The following FGGY variants were observed in gnomAD, a reference collection of about 807,000 sequenced individuals.
FGGY encodes FGGY carbohydrate kinase domain-containing protein.
FGGY carries 72 observed loss-of-function variants against 71.3 expected under a neutral mutation model. The ratio of observed to expected loss-of-function variants is 1.01; its 90% confidence interval spans 0.84 to 1.23. The LOEUF (loss-of-function observed/expected upper bound fraction) is 1.23, where lower values mean the gene tolerates loss of function less well. Among genes scored for constraint, FGGY ranks in the 50% most tolerant of loss-of-function variants. The pLI is 0.00. For missense variants in FGGY, 668 were observed against 682.3 expected, an observed-to-expected ratio of 0.98 and a Z score of 0.23; for synonymous variants, 251 against 250.3, an observed-to-expected ratio of 1.00 and a Z score of -0.02.
chr1:59,631,637 G>T (rs1443967205), intron 10 of FGGY, among the ~76,000 whole-genome samples: 2 of 152,138 alleles, frequency 1.3e-5, no homozygotes, highest in South Asian at 2.1e-4. Context: ...AGCAATGCAG[G>T]TCACCCCTAT....
intron 1 of FGGY, among the ~76,000 whole-genome samples, chr1:59,298,539 T>G (rs532108165): frequency 3.5e-4 from 54 of 152,340 alleles, no homozygotes; most frequent in Admixed American, 5.9e-4. Context: ...TTAGTTTTTG[T>G]TGTGGGCCTT....
At chr1:59,610,807 C>T (rs140953597) in intron 9 of FGGY, among the ~76,000 whole-genome samples, 38 of 152,368 alleles carry the variant, frequency 2.5e-4, no homozygotes, top group African/African-American at 9.1e-4. Context: ...TTGGGTCACT[C>T]CCACACGGCT....
In FGGY at chr1:59,321,518, T is replaced by C; in HGVS notation, c.-14-18T>C. On this transcript the variant is annotated intron_variant, in intron 1 of 15. Transcript: ENST00000303721. ...ATCCACTTGGTCTTCATATGGTTTT[T>C]ACACTTGCTTACTATAGGTGGAGGA... 1 of 1,609,042 alleles carries C rather than the reference T, an allele frequency of 6.2e-7. No individual in the cohort carries two copies. The highest frequency in any genetic ancestry group is 8.5e-7 in the Non-Finnish European group (1 of 1,176,818).
At position 59,397,314 on chromosome 1, in the gene FGGY, G is replaced by A. The variant is rs182185315; in HGVS notation, c.554+18477G>A. Among the ~76,000 whole-genome samples, 201 of 152,248 alleles carry A rather than the reference G, an allele frequency of 1.3e-3. 1 individual carries two copies. Among genetic ancestry groups the A allele is most frequent in the African/African-American group, 4.4e-3 (181 of 41,552 alleles). ...GGGCTGCTGGGACAAGGGACGTGGC[G>A]TTGTGTTTCTGATTTACGAGGTGGA... On this transcript the variant is annotated intron_variant, in intron 5 of 15. Coordinates refer to ENST00000303721, the MANE Select transcript of FGGY (RefSeq NM_018291.5).
intron 12 of FGGY, chr1:59,660,524 G>A (rs1418429083): frequency 1.4e-5 from 5 of 364,234 alleles, no homozygotes; most frequent in East Asian, 4.3e-5. Context: ...AATCTGTGAA[G>A]ATTATACTTG....
At chr1:59,558,792 A>C (rs1162609733) in intron 8 of FGGY, among the ~76,000 whole-genome samples, 1 of 150,360 alleles carries the variant, frequency 6.7e-6, no homozygotes, top group Non-Finnish European at 1.5e-5. Context: ...TCCTTATCTC[A>C]ACCTCATAAG....
chr1:59,695,737 G>T (rs1037083132), intron 14 of FGGY, among the ~76,000 whole-genome samples: 2 of 152,174 alleles, frequency 1.3e-5, no homozygotes, highest in Non-Finnish European at 2.9e-5. Flanking sequence ...CCAGTGCTGG[G>T]CCTGGACCGT....
chr1:59,717,378 A>C (rs1310121510), intron 14 of FGGY, among the ~76,000 whole-genome samples: 1 of 152,084 alleles, frequency 6.6e-6, no homozygotes, highest in Non-Finnish European at 1.5e-5. Context: ...AAGACCTTAC[A>C]CTACCTGGAC....
intron 5 of FGGY, among the ~76,000 whole-genome samples, chr1:59,454,846 A>G (rs2091527314): frequency 6.6e-6 from 1 of 152,206 alleles, no homozygotes; most frequent in African/African-American, 2.4e-5. Flanking sequence ...CCTGGATCCT[A>G]GTATAGTGCC....
chr1:59,447,046 C>T (rs12145590), intron 5 of FGGY, among the ~76,000 whole-genome samples: 41,375 of 151,992 alleles, frequency 0.27, 6,987 homozygotes, highest in Middle Eastern at 0.47. Context: ...GTCTCTGGCT[C>T]GGATTTTGGT....
intron 7 of FGGY, among the ~76,000 whole-genome samples, chr1:59,538,832 T>C (rs1398787126): frequency 4.4e-5 from 5 of 113,188 alleles, no homozygotes; most frequent in East Asian, 6.2e-4. Context: ...ACATCACACT[T>C]TGGGGACTGT....
intron 9 of FGGY, among the ~76,000 whole-genome samples, chr1:59,610,530 C>A (rs912923899): frequency 6.6e-6 from 1 of 152,176 alleles, no homozygotes; most frequent in Non-Finnish European, 1.5e-5. Flanking sequence ...AATAGAGCTA[C>A]AGAGTTCCAA....
At chr1:59,340,832 G>A (rs1436865987) in intron 3 of FGGY, among the ~76,000 whole-genome samples, 2 of 152,184 alleles carry the variant, frequency 1.3e-5, no homozygotes, top group African/African-American at 4.8e-5. Flanking sequence ...CTGCACCTGT[G>A]TGAAGATAAA....
chr1:59,438,451 T>A (rs951217810), intron 5 of FGGY, among the ~76,000 whole-genome samples: 7 of 152,248 alleles, frequency 4.6e-5, no homozygotes, highest in Non-Finnish European at 8.8e-5. Flanking sequence ...ATAGATTTTT[T>A]AAAATGGCTA....
chr1:59,477,972 T>C (rs2093333912), intron 6 of FGGY, among the ~76,000 whole-genome samples: 1 of 152,112 alleles, frequency 6.6e-6, no homozygotes, highest in Non-Finnish European at 1.5e-5. Context: ...TTTGGAGTAA[T>C]GGAAATAACA....
chr1:59,633,900 G>A (rs1047842537), intron 10 of FGGY, among the ~76,000 whole-genome samples: 2 of 152,224 alleles, frequency 1.3e-5, no homozygotes, highest in African/African-American at 4.8e-5. Context: ...TAATGAACAA[G>A]TGAAGAAGGA....
At chr1:59,379,104 A>G (rs1308763615) in intron 5 of FGGY, among the ~76,000 whole-genome samples, 1 of 151,844 alleles carries the variant, frequency 6.6e-6, no homozygotes, top group Admixed American at 6.6e-5. Context: ...AAAAATCCAG[A>G]GTGAAATGTG....
chr1:59,399,517 T>C (rs984821506), intron 5 of FGGY, among the ~76,000 whole-genome samples: 2 of 152,198 alleles, frequency 1.3e-5, no homozygotes, highest in Admixed American at 1.3e-4. Context: ...CTCTGAATTC[T>C]TGTTTTTGGT....
At chr1:59,730,723 C>T (rs1573784593) in intron 14 of FGGY, among the ~76,000 whole-genome samples, 3 of 152,246 alleles carry the variant, frequency 2.0e-5, no homozygotes, top group Middle Eastern at 6.8e-3. Flanking sequence ...AGGACACATA[C>T]CTCATCTAGC....
Sources: gnomAD v4.1 joint callset for allele counts (sites outside exome capture counted in the v4.1 genomes callset) on GRCh38, gnomAD v4.1.1 for gene constraint, MANE v1.5 for transcripts, NCBI Gene and HGNC (gene_info 2026-07-23, HGNC 2026-07-21) for gene names.